Variants in BCAR3 observed in about 807,000 individuals in gnomAD.
BCAR3 encodes the protein BCAR3 adaptor protein, NSP family member, also known as breast cancer anti-estrogen resistance protein 3.
In BCAR3, 37 loss-of-function variants were observed where a neutral mutation model predicts 80.1. The observed-to-expected ratio is 0.46, with a 90% CI of 0.36 to 0.61. BCAR3 has a LOEUF of 0.61. Among genes scored for constraint, BCAR3 ranks in the 20% least tolerant of loss-of-function variants. The probability of loss-of-function intolerance (pLI) is 0.00; values close to 1 mark genes in which losing one functional copy is unlikely to be tolerated. For missense variants in BCAR3, 978 were observed against 1,068.2 expected, an observed-to-expected ratio of 0.92 and a Z score of 1.18; for synonymous variants, 389 against 418.9, an observed-to-expected ratio of 0.93 and a Z score of 0.87.
At chr1:93,828,598 A>G (rs1654454807) in intron 2 of BCAR3, among the ~76,000 whole-genome samples, 1 of 152,158 alleles carries the variant, frequency 6.6e-6, no homozygotes, top group Admixed American at 6.5e-5. Context: ...GTGCAATCAC[A>G]TTTCTACACA....
At chr1:93,572,717 A>G (rs1317786551) in intron 8 of BCAR3, among the ~76,000 whole-genome samples, 1 of 152,208 alleles carries the variant, frequency 6.6e-6, no homozygotes, top group Non-Finnish European at 1.5e-5. Flanking sequence ...GCTGTGGTAC[A>G]AGTGCTGGAG....
chr1:93,727,266 T>C (rs918122938), intron 2 of BCAR3, among the ~76,000 whole-genome samples: 1 of 152,224 alleles, frequency 6.6e-6, no homozygotes, highest in Non-Finnish European at 1.5e-5. Context: ...AAGAGGTCCC[T>C]GGATTTAATG....
intron 3 of BCAR3, among the ~76,000 whole-genome samples, chr1:93,601,767 G>A (rs1197793111): frequency 6.6e-6 from 1 of 152,200 alleles, no homozygotes; most frequent in Non-Finnish European, 1.5e-5. Flanking sequence ...AGAAGAAGGA[G>A]GGAATGTGTG....
intron 2 of BCAR3, among the ~76,000 whole-genome samples, chr1:93,760,324 A>G (rs184103703): frequency 2.0e-5 from 3 of 152,178 alleles, no homozygotes; most frequent in Admixed American, 2.0e-4. Flanking sequence ...CATGATTTTC[A>G]GTGGGGACTC....
intron 2 of BCAR3, among the ~76,000 whole-genome samples, chr1:93,727,381 T>C (rs1383804367): frequency 1.3e-5 from 2 of 152,252 alleles, no homozygotes; most frequent in Non-Finnish European, 2.9e-5. Context: ...TTTACTGCTT[T>C]ACCCAGGTTT....
intron 1 of BCAR3, among the ~76,000 whole-genome samples, chr1:93,680,247 T>C (rs1648685356): frequency 6.6e-6 from 1 of 152,234 alleles, no homozygotes; most frequent in Non-Finnish European, 1.5e-5. Flanking sequence ...CAAGCAGTTC[T>C]GCCTATATGA....
At chr1:93,846,690 C>CGCT in intron 1 of BCAR3, 1 of 333,986 alleles carries the variant, frequency 3.0e-6, no homozygotes, top group South Asian at 2.3e-5. Flanking sequence ...ATGCTCCCAG[C>CGCT]GCTCCCACGC....
rs377676850 is a variant in BCAR3, at chr1:93,845,939, G to A, written c.-208-227C>T. On this transcript the variant is annotated intron_variant, in intron 1 of 13. Transcript: ENST00000370244. ...CTTTTATCTCTGACTCAGAAGTCTG[G>A]TGTGTTCTGTCAGCATTCATGAAAC... is the stretch of plus-strand genomic sequence containing the variant. Among the ~76,000 whole-genome samples, 29 of 152,260 alleles carry A rather than the reference G, an allele frequency of 1.9e-4. No individual in the cohort carries two copies. In the East Asian group the frequency reaches 5.6e-3, roughly 29 times the overall value.
rs754187653 is a variant in BCAR3 at position 93,674,663 on chromosome 1, T to G, written c.268A>C (p.Ile90Leu). The change falls in exon 2 of 12, where the codon ATC (isoleucine) becomes CTC (leucine). Residue 90 changes from isoleucine to leucine, a missense_variant. Ile to Leu is a conservative substitution (Grantham distance 5, BLOSUM62 2). Transcript: ENST00000260502. ...RQNSPVTQDGIQESPWQDRHG... is the reference protein window; with the variant it reads ...RQNSPVTQDGLQESPWQDRHG... ...CGGTCCTGCCATGGGCTCTCCTGGATGCCATCCTGGGTCACAGGCGAGTTC... is the reference window on the plus strand; with the variant it reads ...CGGTCCTGCCATGGGCTCTCCTGGAGGCCATCCTGGGTCACAGGCGAGTTC... 1.9e-6 allele frequency: 3 copies of G among 1,613,954 alleles called. No individual in the cohort carries two copies. The highest frequency in any genetic ancestry group is 1.3e-5 in the African/African-American group (1 of 74,934).
intron 3 of BCAR3, among the ~76,000 whole-genome samples, chr1:93,608,517 G>A (rs920038338): frequency 1.3e-5 from 2 of 152,198 alleles, no homozygotes; most frequent in East Asian, 1.9e-4. Flanking sequence ...AGCCTCCAGC[G>A]TCCTCCCCAG....
chr1:93,706,449 C>T (rs1365909551), intron 2 of BCAR3, among the ~76,000 whole-genome samples: 1 of 152,116 alleles, frequency 6.6e-6, no homozygotes, highest in Non-Finnish European at 1.5e-5. Context: ...TTAAGCTATT[C>T]TCCCAGGAAA....
intron 3 of BCAR3, among the ~76,000 whole-genome samples, chr1:93,614,831 C>G (rs1675058335): frequency 6.6e-6 from 1 of 152,070 alleles, no homozygotes. Flanking sequence ...TGATTACCCA[C>G]TTTGCGTAAC....
intron 2 of BCAR3, among the ~76,000 whole-genome samples, chr1:93,655,460 T>C (rs1647330394): frequency 6.6e-6 from 1 of 152,170 alleles, no homozygotes; most frequent in South Asian, 2.1e-4. Context: ...TGACTGGCTT[T>C]GGTGAGTGAA....
intron 8 of BCAR3, among the ~76,000 whole-genome samples, chr1:93,574,635 G>A (rs563072917): frequency 1.3e-5 from 2 of 152,302 alleles, no homozygotes; most frequent in South Asian, 2.1e-4. Context: ...TGGAACCTGC[G>A]GCCTTTCAGG....
At chr1:93,604,218 T>C (rs947234342) in intron 3 of BCAR3, among the ~76,000 whole-genome samples, 1 of 152,196 alleles carries the variant, frequency 6.6e-6, no homozygotes, top group African/African-American at 2.4e-5. Flanking sequence ...ATGATTTTCC[T>C]TTTCACAGAT....
chr1:93,772,329 C>G (rs1388911399), intron 2 of BCAR3, among the ~76,000 whole-genome samples: 1 of 152,152 alleles, frequency 6.6e-6, no homozygotes, highest in Non-Finnish European at 1.5e-5. Context: ...CATGGCCAGA[C>G]CAGGGCACAG....
intron 2 of BCAR3, among the ~76,000 whole-genome samples, chr1:93,644,812 TG>T (rs1676103238): frequency 6.6e-6 from 1 of 152,202 alleles, no homozygotes; most frequent in Non-Finnish European, 1.5e-5. Flanking sequence ...CTGGTGGAAC[TG>T]GTAAGTCCTC....
At chr1:93,841,076 C>T (rs545781032) in intron 2 of BCAR3, among the ~76,000 whole-genome samples, 29 of 152,200 alleles carry the variant, frequency 1.9e-4, no homozygotes, top group African/African-American at 7.0e-4. Flanking sequence ...GGAGTCCCTC[C>T]CCACCACCAG....
chr1:93,840,585 G>C (rs1156712470), intron 2 of BCAR3, among the ~76,000 whole-genome samples: 1 of 152,154 alleles, frequency 6.6e-6, no homozygotes, highest in Non-Finnish European at 1.5e-5. Flanking sequence ...GAACTTAAAA[G>C]GCAGAGATGT....
Sources: allele counts gnomAD v4.1 joint callset (sites outside exome capture counted in the v4.1 genomes callset), GRCh38; gene constraint gnomAD v4.1.1; transcripts MANE v1.5; gene names NCBI Gene and HGNC (gene_info 2026-07-23, HGNC 2026-07-21).